The following FGFR2 variants were observed in gnomAD, a reference collection of about 807,000 sequenced individuals.
The protein encoded by FGFR2 is BEK fibroblast growth factor receptor.
In FGFR2, 19 loss-of-function variants were observed where a neutral mutation model predicts 95.9. That is an observed-to-expected ratio of 0.20 (90% CI 0.14 to 0.29). The LOEUF (loss-of-function observed/expected upper bound fraction) is 0.29. FGFR2 is among the 10% of genes least tolerant of loss of function. FGFR2 has a pLI of 1.00. For synonymous variants in FGFR2, 392 were observed against 393.3 expected (o/e 1.00, Z 0.04); for missense variants, 707 against 1,056.9 (o/e 0.67, Z 4.59).
chr10:121,568,201 C>G (rs1857994360), intron 2 of FGFR2, among the ~76,000 whole-genome samples: 1 of 152,160 alleles, frequency 6.6e-6, no homozygotes, highest in South Asian at 2.1e-4. Flanking sequence ...CCTAGAGTCA[C>G]AGATTCACTC....
At chr10:121,497,490 G>T (rs1253844483) in intron 12 of FGFR2, among the ~76,000 whole-genome samples, 5 of 152,154 alleles carry the variant, frequency 3.3e-5, no homozygotes, top group African/African-American at 1.2e-4. Context: ...AACAAAACCA[G>T]ATCATTCCTT....
At chr10:121,576,848 A>G (rs1859849554) in intron 2 of FGFR2, among the ~76,000 whole-genome samples, 1 of 151,778 alleles carries the variant, frequency 6.6e-6, no homozygotes, top group Non-Finnish European at 1.5e-5. Context: ...AAAGGTACAG[A>G]CCAAGGCCGG....
At chr10:121,522,692 C>T (rs1477098543) in intron 6 of FGFR2, among the ~76,000 whole-genome samples, 1 of 152,222 alleles carries the variant, frequency 6.6e-6, no homozygotes, top group African/African-American at 2.4e-5. Context: ...TACAAACTTA[C>T]TGGAACCTTC....
At chr10:121,558,171 T>C (rs1230873571) in intron 4 of FGFR2, among the ~76,000 whole-genome samples, 2 of 152,200 alleles carry the variant, frequency 1.3e-5, no homozygotes, top group Non-Finnish European at 2.9e-5. Flanking sequence ...CAAATGGGTA[T>C]ATGCATCTAC....
chr10:121,523,132 C>T (rs1478048546), intron 6 of FGFR2, among the ~76,000 whole-genome samples: 1 of 152,204 alleles, frequency 6.6e-6, no homozygotes, highest in Non-Finnish European at 1.5e-5. Flanking sequence ...TCCAGAATCT[C>T]CCATCACTTT....
At position 121,479,895 on chromosome 10, in the gene FGFR2, G is replaced by A. The variant is rs1315946112; in HGVS notation, c.2428C>T (p.Pro810Ser). ...PDPMPYEPCLPQYPHINGSVK... is the reference protein window; with the variant it reads ...PDPMPYEPCLSQYPHINGSVK... ...CTGCCGTTTATGTGTGGATACTGAG[G>A]AAGGCATGGTTCGTAAGGCATGGGG... Residue 810 changes from proline (P) to serine (S), a missense_variant, in exon 18 of 18, where the codon CCT (proline) becomes TCT (serine). Pro to Ser is a moderately conservative substitution (Grantham distance 74, BLOSUM62 -1). Around this residue, in one of 7 missense-constraint regions of FGFR2, gnomAD observed 51 missense variants for 50.2 expected, o/e 1.01. Coordinates refer to ENST00000358487, the MANE Select transcript of FGFR2 (RefSeq NM_000141.5). 6.2e-7 allele frequency: 1 copy of A among 1,614,188 alleles called. No homozygotes were observed. Among genetic ancestry groups the A allele is most frequent in the Non-Finnish European group, 8.5e-7 (1 of 1,180,040 alleles).
chr10:121,517,186 G>T lies in FGFR2; in HGVS notation c.1084+133C>A. 1 of 986,118 alleles carries T rather than the reference G, an allele frequency of 1.0e-6. No individual in the cohort carries two copies. Among genetic ancestry groups the T allele is most frequent in the Non-Finnish European group, 1.6e-6 (1 of 635,504 alleles). 61.1% of individuals were successfully genotyped at this position (986,118 alleles called of 1,614,324 possible). On this transcript the variant is annotated intron_variant, in intron 8 of 17. Transcript: ENST00000358487. The surrounding 1 kb of genome is among the most constrained non-coding windows in gnomAD (Gnocchi z 4.7). ...CAAGGCAGTTTTCTTATCCCTGAGG[G>T]ATCATTTTTAACATTTTTTATATCT...
intron 15 of FGFR2, among the ~76,000 whole-genome samples, chr10:121,486,810 A>G (rs1476000205): frequency 2.0e-5 from 3 of 152,212 alleles, no homozygotes; most frequent in African/African-American, 7.2e-5. Context: ...TCAGTATATC[A>G]TAATAGAAAT....
chr10:121,582,124 G>A (rs1018512920), intron 2 of FGFR2, among the ~76,000 whole-genome samples: 6 of 151,966 alleles, frequency 3.9e-5, no homozygotes, highest in East Asian at 1.9e-4. Flanking sequence ...TAGAGACCAC[G>A]TTTCACCATG....
Position 121,520,873 on chromosome 10 carries a change from G to A in FGFR2, c.749-704C>T, listed in dbSNP as rs41295541. ...GCCTGGGCTGGTCTCAAACTCCTAT[G>A]CTCAAGCGATCCACCTGCCTTGGCC... On this transcript the variant is annotated intron_variant, in intron 6 of 17. Transcript: ENST00000358487. 1.2e-3 allele frequency among the ~76,000 whole-genome samples: 184 copies of A among 152,300 alleles called. 1 individual carries two copies. Among genetic ancestry groups the A allele is most frequent in the African/African-American group, 4.1e-3 (169 of 41,570 alleles).
At chr10:121,553,203 T>C (rs932110068) in intron 4 of FGFR2, among the ~76,000 whole-genome samples, 3 of 152,130 alleles carry the variant, frequency 2.0e-5, no homozygotes, top group African/African-American at 7.2e-5. Flanking sequence ...ACCCATATGA[T>C]GCTGAAACAG....
chr10:121,525,216 C>T (rs1444756639), intron 6 of FGFR2, among the ~76,000 whole-genome samples: 1 of 152,130 alleles, frequency 6.6e-6, no homozygotes, highest in Non-Finnish European at 1.5e-5. Context: ...TGCAAATGCA[C>T]AGTGCATGGA....
At chr10:121,564,894 A>G (rs1226397966) in intron 3 of FGFR2, among the ~76,000 whole-genome samples, 1 of 152,180 alleles carries the variant, frequency 6.6e-6, no homozygotes, top group Admixed American at 6.5e-5. Context: ...ATTGTGTAGC[A>G]CCCAAAGACT....
chr10:121,574,460 C>T (rs576837552), intron 2 of FGFR2, among the ~76,000 whole-genome samples: 12 of 152,102 alleles, frequency 7.9e-5, no homozygotes, highest in South Asian at 2.1e-4. Context: ...ATCCGGGAGG[C>T]GGGGGTTGCA....
At chr10:121,529,826 C>G (rs547720535) in intron 6 of FGFR2, among the ~76,000 whole-genome samples, 1 of 152,302 alleles carries the variant, frequency 6.6e-6, no homozygotes, top group East Asian at 1.9e-4. Context: ...TGACTGTCAC[C>G]CTCTCGACCA....
chr10:121,513,120 C>A (rs1030455682), intron 9 of FGFR2, among the ~76,000 whole-genome samples: 1 of 152,160 alleles, frequency 6.6e-6, no homozygotes, highest in Non-Finnish European at 1.5e-5. Context: ...GTGATCCACG[C>A]GCCTCAGCCT....
Position 121,565,450 on chromosome 10 carries a change from C to T in FGFR2, c.364G>A (p.Val122Met), listed in dbSNP as rs779423644. 22 of 1,614,142 alleles carry T rather than the reference C, an allele frequency of 1.4e-5. No individual in the cohort carries two copies. Among genetic ancestry groups the T allele is most frequent in the Non-Finnish European group, 1.8e-5 (21 of 1,180,038 alleles). ...TVDSETWYFM[V>M]NVTDAISSGD... is the part of the protein sequence containing the mutation. ...CGGGCCAACTCACCTGTGACATTCACCATGAAGTACCAAGTTTCACTGTCT... is the reference window on the plus strand; with the variant it reads ...CGGGCCAACTCACCTGTGACATTCATCATGAAGTACCAAGTTTCACTGTCT... Residue 122 changes from valine to methionine, a missense_variant, in exon 3 of 18, where the codon GTG (valine) becomes ATG (methionine). Physicochemically the swap from Val to Met is conservative, Grantham distance 21 (BLOSUM62 1). Around this residue, in one of 7 missense-constraint regions of FGFR2, gnomAD observed 178 missense variants for 194.1 expected, o/e 0.92. Coordinates refer to ENST00000358487, the MANE Select transcript of FGFR2 (RefSeq NM_000141.5).
chr10:121,586,389 T>G (rs1223351110), intron 2 of FGFR2, among the ~76,000 whole-genome samples: 1 of 152,218 alleles, frequency 6.6e-6, no homozygotes, highest in Non-Finnish European at 1.5e-5. Context: ...TCTATATGTG[T>G]GCATTCCATT....
chr10:121,507,865 T>C (rs573735236), intron 9 of FGFR2, among the ~76,000 whole-genome samples: 1 of 152,198 alleles, frequency 6.6e-6, no homozygotes, highest in Non-Finnish European at 1.5e-5. Context: ...GTCCTCCATA[T>C]CTGTGGGTTC....
Sources: allele counts gnomAD v4.1 joint callset (sites outside exome capture counted in the v4.1 genomes callset), GRCh38; gene constraint gnomAD v4.1.1; regional missense constraint gnomAD v4.1.1; non-coding constraint Gnocchi (gnomAD v3.1); transcripts MANE v1.5; gene names NCBI Gene and HGNC (gene_info 2026-07-23, HGNC 2026-07-21).